Variants in CNTNAP2 observed in about 807,000 individuals in gnomAD.
CNTNAP2 encodes the protein contactin associated protein 2.
A neutral mutation model predicts 155.2 loss-of-function variants in CNTNAP2; 98 were observed. The ratio of observed to expected loss-of-function variants is 0.63; its 90% CI spans 0.54 to 0.75. The LOEUF (loss-of-function observed/expected upper bound fraction) is 0.75, where lower values mean the gene tolerates loss of function less well. Ranked by LOEUF, CNTNAP2 falls within the 30% of genes least tolerant of loss-of-function variation. The probability of loss-of-function intolerance (pLI) is 0.00; values close to 1 mark genes in which losing one functional copy is unlikely to be tolerated. For missense variants in CNTNAP2, 1,727 were observed against 1,688.1 expected (o/e 1.02, Z -0.40); for synonymous variants, 651 against 631.2 (o/e 1.03, Z -0.47).
intron 1 of CNTNAP2, among the ~76,000 whole-genome samples, chr7:146,189,324 A>T (rs918058628): frequency 3.3e-5 from 5 of 152,182 alleles, no homozygotes; most frequent in African/African-American, 1.2e-4. Flanking sequence ...ATCCTTGATG[A>T]CAATGGTGAT....
chr7:147,642,139 C>T (rs151224914), intron 13 of CNTNAP2, among the ~76,000 whole-genome samples: 2,293 of 152,182 alleles, frequency 0.015, 202 homozygotes, highest in Admixed American at 0.14. Flanking sequence ...TTCACTGTTT[C>T]ATGAGCGGCT....
intron 1 of CNTNAP2, among the ~76,000 whole-genome samples, chr7:146,542,855 T>G (rs1797972186): frequency 2.0e-5 from 3 of 151,926 alleles, no homozygotes; most frequent in Admixed American, 2.0e-4. Context: ...TAATGATATC[T>G]TTTAAAGCTT....
At chr7:147,364,158 CTCTT>C (rs1335803012) in intron 9 of CNTNAP2, among the ~76,000 whole-genome samples, 2 of 152,094 alleles carry the variant, frequency 1.3e-5, no homozygotes, top group Non-Finnish European at 2.9e-5. Context: ...TTTATATTAT[CTCTT>C]TCTATTTGCT....
At chr7:147,005,106 A>G (rs1798501864) in intron 3 of CNTNAP2, among the ~76,000 whole-genome samples, 1 of 152,072 alleles carries the variant, frequency 6.6e-6, no homozygotes, top group Non-Finnish European at 1.5e-5. Context: ...AAGCTATGTC[A>G]TATTTTATTT....
intron 6 of CNTNAP2, chr7:147,122,576 C>T (rs1331707332): frequency 6.6e-6 from 1 of 152,188 alleles, no homozygotes; most frequent in East Asian, 1.9e-4. Flanking sequence ...TTCTGTTCCA[C>T]TTTTACTCTA....
At chr7:147,140,635 T>C (rs1801573043) in intron 8 of CNTNAP2, among the ~76,000 whole-genome samples, 1 of 151,954 alleles carries the variant, frequency 6.6e-6, no homozygotes. Flanking sequence ...ATCTAACATA[T>C]AGTGGATTGG....
chr7:147,563,803 T>A (rs1800114090), intron 12 of CNTNAP2, among the ~76,000 whole-genome samples: 1 of 152,120 alleles, frequency 6.6e-6, no homozygotes, highest in Non-Finnish European at 1.5e-5. Context: ...CCCTGCAGAC[T>A]CTGATTCATT....
chr7:146,613,830 TCAGCTTTTCTTTCA>T (rs1293731746), intron 1 of CNTNAP2, among the ~76,000 whole-genome samples: 7 of 42,456 alleles, frequency 1.6e-4, no homozygotes, highest in Middle Eastern at 0.012. Context: ...AAGTGTTCTT[TCAGCTTTTCTTTCA>T]CAGTTTTCTG....
intron 12 of CNTNAP2, among the ~76,000 whole-genome samples, chr7:147,589,791 C>T (rs1019486710): frequency 2.0e-5 from 3 of 152,006 alleles, no homozygotes; most frequent in Non-Finnish European, 4.4e-5. Flanking sequence ...ATGAGTATCC[C>T]AGGGGTATAT....
chr7:148,187,109 TACACAC>T (rs142565546), intron 18 of CNTNAP2, among the ~76,000 whole-genome samples: 166 of 49,298 alleles, frequency 3.4e-3, no homozygotes, highest in South Asian at 2.7e-3. Context: ...CAAGGAAACA[TACACAC>T]ACACACACAC....
At chr7:148,302,334 TAGG>T (rs954623113) in intron 21 of CNTNAP2, among the ~76,000 whole-genome samples, 33 of 152,202 alleles carry the variant, frequency 2.2e-4, no homozygotes, top group African/African-American at 8.0e-4. Flanking sequence ...TGAACTTGGT[TAGG>T]GGAGAGGAAC....
chr7:146,601,346 A>G (rs901424439), intron 1 of CNTNAP2, among the ~76,000 whole-genome samples: 1 of 152,126 alleles, frequency 6.6e-6, no homozygotes, highest in Non-Finnish European at 1.5e-5. Context: ...GAATTTTTAT[A>G]ATTGCTGTGC....
intron 4 of CNTNAP2, among the ~76,000 whole-genome samples, chr7:147,053,059 G>T (rs1184245790): frequency 6.6e-6 from 1 of 152,126 alleles, no homozygotes; most frequent in Non-Finnish European, 1.5e-5. Flanking sequence ...TTGTCATTCA[G>T]TGTCAGTTTG....
Position 147,998,603 on chromosome 7 carries a change from C to A in CNTNAP2, c.2383+20614C>A, listed in dbSNP as rs1213907612. 2.0e-5 allele frequency among the ~76,000 whole-genome samples: 3 copies of A among 152,154 alleles called. 1 individual carries two copies. The highest frequency in any genetic ancestry group is 4.4e-5 in the Non-Finnish European group (3 of 68,028). On this transcript the variant is annotated intron_variant, in intron 15 of 23. Coordinates refer to ENST00000361727, the MANE Select transcript of CNTNAP2 (RefSeq NM_014141.6). The stretch of plus-strand genomic sequence containing the variant: ...CAAAGCAAAGAGAATGAGTAAAGAC[C>A]ATTTTCCGTGGGGATTGGTGGAGTG...
chr7:146,744,783 ATATCAAGTGGCCTTCTACAAG>A (rs1801781433), intron 1 of CNTNAP2, among the ~76,000 whole-genome samples: 1 of 152,162 alleles, frequency 6.6e-6, no homozygotes, highest in Admixed American at 6.5e-5. Flanking sequence ...ACTGGATTTG[ATATCAAGTGGCCTTCTACAAG>A]TATGATTTTC....
At chr7:147,519,228 C>T (rs1799187098) in intron 11 of CNTNAP2, among the ~76,000 whole-genome samples, 1 of 152,070 alleles carries the variant, frequency 6.6e-6, no homozygotes, top group Non-Finnish European at 1.5e-5. Flanking sequence ...CATTCTTTTT[C>T]AGCTTCTGGA....
chr7:146,438,706 C>T (rs1193140158), intron 1 of CNTNAP2, among the ~76,000 whole-genome samples: 3 of 151,540 alleles, frequency 2.0e-5, no homozygotes, highest in Middle Eastern at 6.8e-3. Flanking sequence ...TTCTTTTACT[C>T]ATAATTGAAC....
At chr7:147,668,398 A>G (rs851729) in intron 13 of CNTNAP2, among the ~76,000 whole-genome samples, 7,458 of 152,260 alleles carry the variant, frequency 0.049, 643 homozygotes, top group African/African-American at 0.17. Context: ...ACACATCTTT[A>G]AAAAGAGCCT....
chr7:148,292,405 C>T (rs1426572569), intron 21 of CNTNAP2, among the ~76,000 whole-genome samples: 2 of 152,058 alleles, frequency 1.3e-5, no homozygotes. Flanking sequence ...ATGTGAAATC[C>T]CAAAGAGGTT....
Sources: allele counts gnomAD v4.1 joint callset (sites outside exome capture counted in the v4.1 genomes callset), GRCh38; gene constraint gnomAD v4.1.1; transcripts MANE v1.5; gene names NCBI Gene and HGNC (gene_info 2026-07-23, HGNC 2026-07-21).